RAB37: variants seen among roughly 807,000 people sequenced by gnomAD.
RAB37 encodes ras-related protein Rab-37.
RAB37 carries 29 observed loss-of-function variants against 33.1 expected under a neutral mutation model. The observed-to-expected ratio is 0.88, with a 90% CI of 0.65 to 1.20. The LOEUF (loss-of-function observed/expected upper bound fraction) is 1.20, where lower values mean the gene tolerates loss of function less well. Ranked by LOEUF, RAB37 falls within the 50% of genes most tolerant of loss-of-function variation. The pLI, the probability that RAB37 is intolerant of heterozygous loss-of-function variation, is 0.00. For missense variants in RAB37, 299 were observed against 301.1 expected (o/e 0.99, Z 0.05); for synonymous variants, 128 against 119.5 (o/e 1.07, Z -0.47).
intron 1 of RAB37, among the ~76,000 whole-genome samples, chr17:74,696,029 C>T (rs566615558): frequency 1.3e-5 from 2 of 152,312 alleles, no homozygotes; most frequent in African/African-American, 4.8e-5. Context: ...CCTTGTCCCC[C>T]TGGCTGTTTC....
At chr17:74,731,089 T>C (rs990300711) in intron 2 of RAB37, among the ~76,000 whole-genome samples, 4 of 152,202 alleles carry the variant, frequency 2.6e-5, no homozygotes, top group African/African-American at 9.6e-5. Context: ...CCTGAGCCCC[T>C]GGCCAGAAAC....
chr17:74,675,342 G>A (rs2031805742), intron 1 of RAB37, among the ~76,000 whole-genome samples: 2 of 151,926 alleles, frequency 1.3e-5, no homozygotes, highest in African/African-American at 4.8e-5. Flanking sequence ...GGCTGAGGCA[G>A]GAGAATCGCT....
chr17:74,742,920 C>T lies in RAB37; in HGVS notation c.247-209C>T, dbSNP rs1220358211. On this transcript the variant is annotated intron_variant, in intron 3 of 8. Transcript: ENST00000392613. This position sits in a 1 kb window ranked among gnomAD's most constrained non-coding sequence, Gnocchi z 4.0. The stretch of plus-strand genomic sequence containing the variant: ...GATTACAGGTGTAAGCCACCGCGCT[C>T]GGCTGAGGAGATGATTTTGAACGAG... Among the ~76,000 whole-genome samples, 5 of 152,154 alleles carry T rather than the reference C, an allele frequency of 3.3e-5. No individual in the cohort carries two copies. The highest frequency in any genetic ancestry group is 4.1e-4 in the South Asian group (2 of 4,830).
intron 1 of RAB37, among the ~76,000 whole-genome samples, chr17:74,721,977 G>A (rs1321752923): frequency 1.3e-5 from 2 of 151,950 alleles, no homozygotes; most frequent in African/African-American, 2.4e-5. Flanking sequence ...AAACAGAAAC[G>A]GTAAGCTATA....
upstream of RAB37, chr17:74,736,801 G>A: frequency 6.5e-7 from 1 of 1,535,362 alleles, no homozygotes; most frequent in Non-Finnish European, 8.7e-7. Context: ...AGATGAGGAA[G>A]TGTCTCGGGG....
intron 1 of RAB37, among the ~76,000 whole-genome samples, chr17:74,727,508 G>A (rs183043758): frequency 5.3e-5 from 8 of 152,358 alleles, no homozygotes; most frequent in East Asian, 1.9e-4. Context: ...TAACTCAACC[G>A]TTAGAGGGGT....
At position 74,671,306 on chromosome 17, in the gene RAB37, G is replaced by C; in HGVS notation, c.-281G>C. Reference sequence around the variant, plus strand: ...GCATCCTGGAGTCCTAAGAGGCAGGGATTGGAGCGGACAGGATCTCAGAAC... The same window carrying C: ...GCATCCTGGAGTCCTAAGAGGCAGGCATTGGAGCGGACAGGATCTCAGAAC... On this transcript the variant is annotated 5_prime_UTR_variant, in exon 1 of 8. Coordinates refer to the RAB37 transcript ENST00000340415. This position sits in a 1 kb window ranked among gnomAD's most constrained non-coding sequence, Gnocchi z 5.0. 3 of 458,428 alleles carry C rather than the reference G, an allele frequency of 6.5e-6. No individual in the cohort carries two copies. The highest frequency in any genetic ancestry group is 3.5e-5 in the East Asian group (1 of 28,896). The allele number at this position is 458,428 out of a possible 1,614,324, so 28.4% of individuals were successfully genotyped here.
chr17:74,702,755 C>A (rs1430643007), intron 1 of RAB37, among the ~76,000 whole-genome samples: 1 of 152,196 alleles, frequency 6.6e-6, no homozygotes, highest in Non-Finnish European at 1.5e-5. Flanking sequence ...CAGAGCTCAG[C>A]ACGGTGCAGC....
At chr17:74,693,860 C>G (rs568517901) in intron 1 of RAB37, among the ~76,000 whole-genome samples, 1 of 149,068 alleles carries the variant, frequency 6.7e-6, no homozygotes, top group African/African-American at 2.5e-5. Flanking sequence ...ACCCGGGAAT[C>G]AGAGGTTGCA....
At chr17:74,707,303 T>C (rs927136111) in intron 1 of RAB37, among the ~76,000 whole-genome samples, 1 of 152,124 alleles carries the variant, frequency 6.6e-6, no homozygotes, top group South Asian at 2.1e-4. Context: ...AAACAAATAA[T>C]CTAATTAAAA....
chr17:74,682,048 A>T (rs1161592986), intron 1 of RAB37, among the ~76,000 whole-genome samples: 1 of 152,208 alleles, frequency 6.6e-6, no homozygotes, highest in African/African-American at 2.4e-5. Flanking sequence ...AGGTCATTCC[A>T]TTCCAACAGC....
chr17:74,711,773 A>T (rs2033979239), intron 1 of RAB37, among the ~76,000 whole-genome samples: 1 of 151,724 alleles, frequency 6.6e-6, no homozygotes, highest in Admixed American at 6.6e-5. Context: ...AGCCCACCTG[A>T]CTTACAGCAT....
Position 74,740,682 on chromosome 17 carries a change from C to G in RAB37, c.94-86C>G. 5.1e-6 allele frequency: 5 copies of G among 977,550 alleles called. No individual in the cohort carries two copies. The South Asian group carries it at 5.2e-5, about 10-fold the overall frequency. 60.6% of individuals were successfully genotyped at this position (977,550 alleles called of 1,614,324 possible). A position where few individuals can be genotyped will look rare whatever the true frequency, so the allele number is the denominator to read the frequency against. On this transcript the variant is annotated intron_variant, in intron 1 of 8. Coordinates refer to ENST00000392613, the MANE Select transcript of RAB37 (RefSeq NM_001006638.3). ...TCAGCATTCGTGCCAGCCCCCTCTTCTCTGATCCTCTCCATGTGTCTCTCT... is the reference window on the plus strand; with the variant it reads ...TCAGCATTCGTGCCAGCCCCCTCTTGTCTGATCCTCTCCATGTGTCTCTCT...
chr17:74,736,472 G>T (rs979265440), upstream of RAB37: 3 of 1,355,940 alleles, frequency 2.2e-6, no homozygotes, highest in Non-Finnish European at 2.9e-6. Context: ...TGCTCAAAAT[G>T]ATCTACGACT....
chr17:74,706,282 A>T (rs34017189), intron 1 of RAB37, among the ~76,000 whole-genome samples: 34,984 of 144,930 alleles, frequency 0.24, 4,670 homozygotes, highest in East Asian at 0.52. Flanking sequence ...GGAAAAAAAA[A>T]ATATATATAT....
chr17:74,671,550 C>T lies in RAB37; in HGVS notation c.-37C>T. The T allele has an allele frequency of 6.2e-7, 1 of 1,606,950 alleles. No homozygotes were observed. On this transcript the variant is annotated 5_prime_UTR_variant, in exon 1 of 8. Transcript: ENST00000340415. This position sits in a 1 kb window ranked among gnomAD's most constrained non-coding sequence, Gnocchi z 5.0. ...AGCTCCTGGAAGCGCTGACGCAGAG[C>T]GCAGGGAGAGCCGGAGCGGCGAGCT...
rs1335283370 is a variant in RAB37, at chr17:74,671,292, T to A, written c.-295T>A. 2.5e-6 allele frequency: 1 copy of A among 407,678 alleles called. No homozygotes were observed. The highest frequency in any genetic ancestry group is 4.5e-6 in the Non-Finnish European group (1 of 222,684). The allele number at this position is 407,678 out of a possible 1,614,324, so 25.3% of individuals were successfully genotyped here. Reference sequence around the variant, plus strand: ...TTGCGTCCCTGCCAGCATCCTGGAGTCCTAAGAGGCAGGGATTGGAGCGGA... The same window carrying A: ...TTGCGTCCCTGCCAGCATCCTGGAGACCTAAGAGGCAGGGATTGGAGCGGA... On this transcript the variant is annotated 5_prime_UTR_variant, in exon 1 of 8. Coordinates refer to the RAB37 transcript ENST00000340415. This position sits in a 1 kb window ranked among gnomAD's most constrained non-coding sequence, Gnocchi z 5.0.
chr17:74,690,603 T>G (rs1428951210), intron 1 of RAB37, among the ~76,000 whole-genome samples: 2 of 152,170 alleles, frequency 1.3e-5, no homozygotes, highest in Non-Finnish European at 2.9e-5. Flanking sequence ...TCCTGCCTCT[T>G]GCGTATATCT....
At chr17:74,723,049 G>A (rs932873950) in intron 1 of RAB37, among the ~76,000 whole-genome samples, 1 of 152,166 alleles carries the variant, frequency 6.6e-6, no homozygotes, top group African/African-American at 2.4e-5. Context: ...GTTATGCCCT[G>A]CATTTATCAA....
Sources: gnomAD v4.1 joint callset for allele counts (sites outside exome capture counted in the v4.1 genomes callset) on GRCh38, gnomAD v4.1.1 for gene constraint, Gnocchi (gnomAD v3.1) non-coding constraint, MANE v1.5 for transcripts, NCBI Gene and HGNC (gene_info 2026-07-23, HGNC 2026-07-21) for gene names.